Variants in UNC13A observed in about 807,000 individuals in gnomAD.
UNC13A encodes the protein protein unc-13 homolog A.
UNC13A carries 61 observed loss-of-function variants against 219.7 expected under a neutral mutation model. The ratio of observed to expected loss-of-function variants is 0.28; its 90% CI spans 0.23 to 0.34. UNC13A has a LOEUF of 0.34. Ranked by LOEUF, UNC13A falls within the 10% of genes least tolerant of loss-of-function variation. The pLI is 1.00. For missense variants in UNC13A, 1,476 were observed against 2,270.3 expected (o/e 0.65, Z 7.11); for synonymous variants, 920 against 884.6 (o/e 1.04, Z -0.71).
chr19:17,606,574 C>A (rs1291150867), intron 43 of UNC13A, among the ~76,000 whole-genome samples: 1 of 152,082 alleles, frequency 6.6e-6, no homozygotes, highest in Admixed American at 6.5e-5. Context: ...CACGCCCACG[C>A]CTGTTCTTCC....
intron 28 of UNC13A, among the ~76,000 whole-genome samples, chr19:17,631,198 C>T (rs1426601382): frequency 3.6e-5 from 2 of 55,814 alleles, no homozygotes; most frequent in African/African-American, 1.8e-4. Context: ...TTCCCTCCCT[C>T]CCTCCCTTCC....
intron 25 of UNC13A, among the ~76,000 whole-genome samples, chr19:17,638,499 C>A (rs1254846567): frequency 6.6e-6 from 1 of 151,552 alleles, no homozygotes; most frequent in Non-Finnish European, 1.5e-5. Context: ...TTCAACTCAA[C>A]ATTTACTGAA....
chr19:17,606,068 C>A lies in UNC13A; in HGVS notation c.5098G>T (p.Ala1700Ser), dbSNP rs372747454. 3 of 1,571,102 alleles carry A rather than the reference C, an allele frequency of 1.9e-6. No individual in the cohort carries two copies. The highest frequency in any genetic ancestry group is 1.7e-6 in the Non-Finnish European group (2 of 1,162,856). ...GACCGCCCGCGCTAAGGCGCAGGCG[C>A]GGCACCGCCCTCCTCGGCGGAGCGC... The part of the protein sequence containing the change: ...DTRSAEEGGA[A>S]PAP Residue 1700 changes from alanine (A) to serine (S), a missense_variant, in exon 44 of 44, where the codon GCG becomes TCG. Ala to Ser is a moderately conservative substitution (Grantham distance 99). Around this residue, in one of 14 missense-constraint regions of UNC13A, gnomAD observed 187 missense variants for 172.3 expected, o/e 1.09. Coordinates refer to ENST00000519716, the MANE Select transcript of UNC13A (RefSeq NM_001080421.3).
At chr19:17,622,012 T>C in intron 36 of UNC13A, 142 bp from the exon 37 acceptor site, 5 of 810,268 alleles carry the variant, frequency 6.2e-6, no homozygotes, top group Non-Finnish European at 1.1e-5. Flanking sequence ...GGATAGTGTG[T>C]TTGTGTGTGT....
Position 17,674,707 on chromosome 19 carries a change from C to T in UNC13A, c.102G>A (p.Thr34=), listed in dbSNP as rs778802723. Reference sequence around the variant, plus strand: ...GCTGGCTGCCCCGCACCGCGATGGTCGTGCTCTTGACATTCTGCACTTTCA... The same window carrying T: ...GCTGGCTGCCCCGCACCGCGATGGTTGTGCTCTTGACATTCTGCACTTTCA... ...VTLKVQNVKS[T]TIAVRGSQPS... The change falls in exon 3 of 44, where the codon ACG becomes ACA. Residue 34 remains threonine (T), a synonymous_variant. Coordinates refer to ENST00000519716, the MANE Select transcript of UNC13A (RefSeq NM_001080421.3). This position sits in a 1 kb window ranked among gnomAD's most constrained non-coding sequence, Gnocchi z 5.0. The T allele has an allele frequency of 8.7e-6, 14 of 1,613,812 alleles. No homozygotes were observed. Among genetic ancestry groups the T allele is most frequent in the South Asian group, 1.1e-5 (1 of 91,074 alleles).
intron 19 of UNC13A, among the ~76,000 whole-genome samples, chr19:17,643,868 G>A (rs1391697493): frequency 1.4e-5 from 2 of 146,766 alleles, no homozygotes; most frequent in Non-Finnish European, 3.0e-5. Flanking sequence ...GCTCCCCGGA[G>A]ACTACACATC....
chr19:17,656,082 C>T lies in UNC13A; in HGVS notation c.1084G>A (p.Glu362Lys), dbSNP rs2079446521. 6.4e-7 allele frequency: 1 copy of T among 1,553,552 alleles called. No individual in the cohort carries two copies. Among genetic ancestry groups the T allele is most frequent in the Non-Finnish European group, 8.7e-7 (1 of 1,147,884 alleles). ...TTGGGCTCAGCCACAGCTACGTCTT[C>T]ACGCTGGGCATAGCTGCCCAAATCG... ...PDDLGSYAQR[E>K]DVAVAEPKDF... is the part of the protein sequence containing the mutation. Residue 362 changes from glutamate (E) to lysine (K), a missense_variant, in exon 10 of 44, where the codon GAA (glutamate) becomes AAA (lysine). Transcript: ENST00000519716.
At chr19:17,650,722 C>A (rs1436815195) in intron 12 of UNC13A, among the ~76,000 whole-genome samples, 1 of 151,672 alleles carries the variant, frequency 6.6e-6, no homozygotes, top group African/African-American at 2.4e-5. Context: ...AGGCGATCCG[C>A]CCACCTTGGC....
In UNC13A at chr19:17,627,654, C is replaced by A; in HGVS notation, c.3832-57G>T. On this transcript the variant is annotated intron_variant, in intron 32 of 43. Coordinates refer to ENST00000519716, the MANE Select transcript of UNC13A (RefSeq NM_001080421.3). This position sits in a 1 kb window ranked among gnomAD's most constrained non-coding sequence, Gnocchi z 4.7. ...TCAGTAAGTATCCACATGTACTGGGCATTTTCTCATCTGACCCAGGGAAAG... is the reference window on the plus strand; with the variant it reads ...TCAGTAAGTATCCACATGTACTGGGAATTTTCTCATCTGACCCAGGGAAAG... 7.0e-7 allele frequency: 1 copy of A among 1,434,652 alleles called. No homozygotes were observed. Among genetic ancestry groups the A allele is most frequent in the South Asian group, 1.2e-5 (1 of 82,102 alleles). 88.9% of individuals were successfully genotyped at this position (1,434,652 alleles called of 1,614,324 possible).
intron 26 of UNC13A, among the ~76,000 whole-genome samples, chr19:17,635,792 T>C (rs901445537): frequency 1.3e-5 from 2 of 152,190 alleles, no homozygotes; most frequent in African/African-American, 2.4e-5. Flanking sequence ...AATGAATACA[T>C]ACAAAATACA....
chr19:17,652,657 C>T lies in UNC13A; in HGVS notation c.1413G>A (p.Met471Ile). 1 of 1,613,828 alleles carries T rather than the reference C, an allele frequency of 6.2e-7. No individual in the cohort carries two copies. The highest frequency in any genetic ancestry group is 8.5e-7 in the Non-Finnish European group (1 of 1,179,810). Residue 471 changes from methionine (M) to isoleucine (I), a missense_variant, in exon 12 of 44, where the codon ATG becomes ATA. Transcript: ENST00000519716. ...QLQEARGEGEMSKSLWFKGGP... is the reference protein window; with the variant it reads ...QLQEARGEGEISKSLWFKGGP... Reference sequence around the variant, plus strand: ...CGCCTTTGAACCATAGGGATTTAGACATCTCTCCTTCTCCCCGGGCCTGCA... The same window carrying T: ...CGCCTTTGAACCATAGGGATTTAGATATCTCTCCTTCTCCCCGGGCCTGCA...
chr19:17,641,835 ATT>A (rs2076973738), intron 20 of UNC13A, among the ~76,000 whole-genome samples: 1 of 151,150 alleles, frequency 6.6e-6, no homozygotes, highest in South Asian at 2.1e-4. Context: ...CCAATCATTC[ATT>A]CTTTCATACA....
In UNC13A at chr19:17,630,760, A is replaced by G; in HGVS notation, c.3429-10T>C. On this transcript the variant is annotated splice_polypyrimidine_tract_variant and intron_variant, in intron 28 of 43. Coordinates refer to ENST00000519716, the MANE Select transcript of UNC13A (RefSeq NM_001080421.3). ...GAAGGGTTCAAACCATCTGGAATGAAGAGCCGGGGTGGGGCTCTGCCACCT... is the reference window on the plus strand; with the variant it reads ...GAAGGGTTCAAACCATCTGGAATGAGGAGCCGGGGTGGGGCTCTGCCACCT... 2 of 1,613,030 alleles carry G rather than the reference A, an allele frequency of 1.2e-6. No homozygotes were observed. The highest frequency in any genetic ancestry group is 4.5e-5 in the East Asian group (2 of 44,836).
chr19:17,664,403 T>C (rs1351832601), intron 7 of UNC13A, among the ~76,000 whole-genome samples: 1 of 152,174 alleles, frequency 6.6e-6, no homozygotes, highest in Non-Finnish European at 1.5e-5. Flanking sequence ...AGAACCACCT[T>C]TGCCTATCAC....
intron 29 of UNC13A, 32 bp downstream of exon 29, chr19:17,630,622 T>A: frequency 6.2e-7 from 1 of 1,611,118 alleles, no homozygotes; most frequent in Non-Finnish European, 8.5e-7. Flanking sequence ...AGTGGGAAGA[T>A]TAGGAACTTG....
chr19:17,665,482 G>A (rs892158597), intron 7 of UNC13A, among the ~76,000 whole-genome samples: 1 of 152,180 alleles, frequency 6.6e-6, no homozygotes, highest in Non-Finnish European at 1.5e-5. Context: ...GAAGAGGAAC[G>A]TGATCATCAT....
rs773585321 is a variant in UNC13A at position 17,626,656 on chromosome 19, G to A, written c.4050C>T (p.Pro1350=). The A allele has an allele frequency of 3.2e-6, 5 of 1,561,626 alleles. No homozygotes were observed. The highest frequency in any genetic ancestry group is 1.4e-5 in the African/African-American group (1 of 73,712). ...ACTTGCTGTCCAGCAGGTCCATGAT[G>A]GGCTGCAACACATTGTCCGCGTCCT... ...VAQDADNVLQ[P]IMDLLDSNLT... is the part of the protein sequence containing the mutation. Residue 1350 remains proline, a synonymous_variant, in exon 34 of 44, where the codon CCC becomes CCT. Transcript: ENST00000519716.
chr19:17,614,627 A>T (rs974744332), intron 41 of UNC13A, among the ~76,000 whole-genome samples: 2 of 152,006 alleles, frequency 1.3e-5, no homozygotes. Context: ...AGGTTGGGTC[A>T]GTCAAACGCT....
intron 1 of UNC13A, among the ~76,000 whole-genome samples, chr19:17,686,287 G>A (rs922646343): frequency 2.0e-5 from 2 of 101,802 alleles, no homozygotes; most frequent in African/African-American, 9.7e-5. Context: ...AGAGTTAAGG[G>A]TGAGATCCCC....
Sources: gnomAD v4.1 joint callset for allele counts (sites outside exome capture counted in the v4.1 genomes callset) on GRCh38, gnomAD v4.1.1 for gene constraint, gnomAD v4.1.1 regional missense constraint, Gnocchi (gnomAD v3.1) non-coding constraint, MANE v1.5 for transcripts, NCBI Gene and HGNC (gene_info 2026-07-23, HGNC 2026-07-21) for gene names.